The following PTPRQ variants were observed in gnomAD, a reference collection of about 807,000 sequenced individuals.
PTPRQ encodes the protein phosphatidylinositol phosphatase PTPRQ.
In PTPRQ, 199 loss-of-function variants were observed where a neutral mutation model predicts 246.0. The ratio of observed to expected loss-of-function variants is 0.81; its 90% CI spans 0.72 to 0.91. The LOEUF (loss-of-function observed/expected upper bound fraction) is 0.91. Ranked by LOEUF, PTPRQ falls within the 40% of genes least tolerant of loss-of-function variation. The pLI, the probability that PTPRQ is intolerant of heterozygous loss-of-function variation, is 0.00. For synonymous variants in PTPRQ, 869 were observed against 853.2 expected (o/e 1.02, Z -0.32); for missense variants, 2,624 against 2,528.4 (o/e 1.04, Z -0.81).
intron 41 of PTPRQ, among the ~76,000 whole-genome samples, 153 bp downstream of exon 41, chr12:80,669,617 G>A (rs550560150): frequency 1.4e-4 from 21 of 151,836 alleles, no homozygotes; most frequent in Admixed American, 3.3e-4. Flanking sequence ...ATTTTGAATC[G>A]ATATCCAACT....
intron 6 of PTPRQ, among the ~76,000 whole-genome samples, chr12:80,467,524 T>A (rs1412087158): frequency 2.0e-5 from 3 of 152,224 alleles, no homozygotes; most frequent in Non-Finnish European, 2.9e-5. Flanking sequence ...CCCAAAGGAC[T>A]ATAAAACATG....
At position 80,589,492 on chromosome 12, in the gene PTPRQ, A is replaced by G. The variant is rs144370351; in HGVS notation, c.4609+1040A>G. Among the ~76,000 whole-genome samples, 10 of 152,320 alleles carry G rather than the reference A, an allele frequency of 6.6e-5. No homozygotes were observed. The East Asian group carries it at 1.7e-3, about 27-fold the overall frequency. The stretch of plus-strand genomic sequence containing the variant: ...AAACATTTTTGATACTTATTAGTAT[A>G]GTAACATACCTACACACACACACAT... On this transcript the variant is annotated intron_variant, in intron 26 of 44. Coordinates refer to ENST00000644991, the MANE Select transcript of PTPRQ (RefSeq NM_001145026.2).
intron 17 of PTPRQ, among the ~76,000 whole-genome samples, chr12:80,528,070 C>T (rs1016666391): frequency 2.0e-5 from 3 of 151,986 alleles, no homozygotes; most frequent in African/African-American, 7.3e-5. Flanking sequence ...CAGCCTGGGT[C>T]ACAGAGTGAG....
intron 17 of PTPRQ, among the ~76,000 whole-genome samples, chr12:80,512,994 G>A (rs1375779053): frequency 6.6e-6 from 1 of 152,092 alleles, no homozygotes; most frequent in African/African-American, 2.4e-5. Flanking sequence ...AGACGGGCAG[G>A]CTGTGGGGCT....
At chr12:80,494,684 A>G (rs929730033) in intron 10 of PTPRQ, among the ~76,000 whole-genome samples, 11 of 151,974 alleles carry the variant, frequency 7.2e-5, no homozygotes, top group Non-Finnish European at 1.3e-4. Flanking sequence ...AAATTATATT[A>G]TGAACACAAA....
At chr12:80,552,643 AATTATATAT>A (rs1351459269) in intron 25 of PTPRQ, among the ~76,000 whole-genome samples, 1 of 20,062 alleles carries the variant, frequency 5.0e-5, no homozygotes. Context: ...AAAAAAAAAA[AATTATATAT>A]ATATATATAT....
intron 25 of PTPRQ, among the ~76,000 whole-genome samples, chr12:80,565,973 T>C (rs995604311): frequency 8.5e-5 from 13 of 152,194 alleles, no homozygotes; most frequent in African/African-American, 3.1e-4. Context: ...AAAAGTAGCA[T>C]TTTTTAGTAT....
chr12:80,642,758 A>C (rs1899912171), intron 35 of PTPRQ, among the ~76,000 whole-genome samples: 1 of 150,706 alleles, frequency 6.6e-6, no homozygotes, highest in Non-Finnish European at 1.5e-5. Context: ...GTCTCTACTA[A>C]AAATACAAAA....
chr12:80,524,907 T>C (rs1339695774), intron 17 of PTPRQ, among the ~76,000 whole-genome samples: 2 of 152,196 alleles, frequency 1.3e-5, no homozygotes, highest in African/African-American at 2.4e-5. Context: ...AATTGGCCTT[T>C]GTTCTAAAAA....
chr12:80,606,359 G>A (rs573025468), intron 27 of PTPRQ, among the ~76,000 whole-genome samples: 8 of 151,068 alleles, frequency 5.3e-5, no homozygotes, highest in African/African-American at 1.9e-4. Context: ...CAGCACCCTG[G>A]GGACTATCAA....
intron 25 of PTPRQ, among the ~76,000 whole-genome samples, chr12:80,550,106 C>T (rs535268925): frequency 6.6e-6 from 1 of 152,154 alleles, no homozygotes; most frequent in South Asian, 2.1e-4. Context: ...TAGATGTTTT[C>T]CTGAACTATA....
chr12:80,592,306 C>T (rs1369066755), intron 26 of PTPRQ, among the ~76,000 whole-genome samples: 2 of 152,056 alleles, frequency 1.3e-5, no homozygotes, highest in African/African-American at 2.4e-5. Flanking sequence ...GTTGGTTACT[C>T]GTCTTTTAGT....
chr12:80,586,872 T>G (rs1390777305), intron 25 of PTPRQ: 2 of 152,204 alleles, frequency 1.3e-5, no homozygotes, highest in Admixed American at 1.3e-4. Context: ...TACATTGTGT[T>G]AGGTATTGTA....
chr12:80,493,399 A>T lies in PTPRQ; in HGVS notation c.1484A>T (p.His495Leu). 6.5e-7 allele frequency: 1 copy of T among 1,550,212 alleles called. No homozygotes were observed. Among genetic ancestry groups the T allele is most frequent in the Non-Finnish European group, 8.7e-7 (1 of 1,145,966 alleles). The change falls in exon 10 of 45, where the codon CAT becomes CTT. Residue 495 changes from histidine to leucine, a missense_variant. Transcript: ENST00000644991. Reference protein sequence around the residue: ...HSLATFIYNSHPDKNFPARNR... With the variant: ...HSLATFIYNSLPDKNFPARNR... ...CTTGCTACATTTATATATAACAGCC[A>T]TCCAGATAAAAACTTTCCTGCAAGG...
intron 17 of PTPRQ, among the ~76,000 whole-genome samples, chr12:80,513,434 G>C (rs964604859): frequency 1.3e-5 from 2 of 152,176 alleles, no homozygotes; most frequent in Admixed American, 6.5e-5. Context: ...ATGTCCAGCC[G>C]TTGTGTCTTA....
chr12:80,466,782 G>T (rs1239500279), intron 6 of PTPRQ, among the ~76,000 whole-genome samples: 2 of 152,146 alleles, frequency 1.3e-5, no homozygotes, highest in African/African-American at 2.4e-5. Context: ...AATAAATGGT[G>T]CTGGGAAAAC....
chr12:80,556,304 C>T (rs561845765), intron 25 of PTPRQ, among the ~76,000 whole-genome samples: 1 of 152,186 alleles, frequency 6.6e-6, no homozygotes, highest in Non-Finnish European at 1.5e-5. Flanking sequence ...GCTGGGATTA[C>T]AGGCATGAGC....
At chr12:80,581,359 G>A (rs544076812) in intron 25 of PTPRQ, among the ~76,000 whole-genome samples, 173 of 152,302 alleles carry the variant, frequency 1.1e-3, no homozygotes, top group African/African-American at 4.1e-3. Context: ...TTCAAGGCCA[G>A]GTGCCATGGC....
intron 17 of PTPRQ, among the ~76,000 whole-genome samples, chr12:80,514,582 A>G (rs575667779): frequency 6.3e-4 from 89 of 141,732 alleles, no homozygotes; most frequent in African/African-American, 2.3e-3. Context: ...AAATATATAT[A>G]TTATATAATA....
Sources: gnomAD v4.1 joint callset for allele counts (sites outside exome capture counted in the v4.1 genomes callset) on GRCh38, gnomAD v4.1.1 for gene constraint, MANE v1.5 for transcripts, NCBI Gene and HGNC (gene_info 2026-07-23, HGNC 2026-07-21) for gene names.